Variants in FRMD6 observed in about 807,000 individuals in gnomAD.
FRMD6 encodes the protein FERM domain-containing protein 6.
In FRMD6, 37 loss-of-function variants were observed where a neutral mutation model predicts 73.2. The ratio of observed to expected loss-of-function variants is 0.51; its 90% confidence interval spans 0.39 to 0.66. The LOEUF is 0.66. Ranked by LOEUF, FRMD6 falls within the 30% of genes least tolerant of loss-of-function variation. The pLI, the probability that FRMD6 is intolerant of heterozygous loss-of-function variation, is 0.00. For synonymous variants in FRMD6, 273 were observed against 282.2 expected (o/e 0.97, Z 0.33); for missense variants, 714 against 780.5 (o/e 0.91, Z 1.02).
chr14:51,528,885 C>T (rs1320688392), intron 1 of FRMD6, among the ~76,000 whole-genome samples: 2 of 152,174 alleles, frequency 1.3e-5, no homozygotes, highest in Non-Finnish European at 2.9e-5. Context: ...CCCTTAACAT[C>T]CCCCAGTTTC....
chr14:51,538,714 A>G (rs6572771), intron 1 of FRMD6, among the ~76,000 whole-genome samples: 6,053 of 152,262 alleles, frequency 0.04, 367 homozygotes, highest in African/African-American at 0.13. Context: ...CTAAGATAAT[A>G]GGGTTTATTT....
At chr14:51,436,870 A>G in the FRMD6 span, 2 of 758,354 alleles carry the variant, frequency 2.6e-6, no homozygotes, top group East Asian at 7.0e-5. Flanking sequence ...AAGGATTAGA[A>G]GGTATTGATG....
intron 3 of FRMD6, among the ~76,000 whole-genome samples, chr14:51,700,581 G>T (rs1896247329): frequency 6.6e-6 from 1 of 152,034 alleles, no homozygotes; most frequent in Non-Finnish European, 1.5e-5. Flanking sequence ...ATGTGGGTCA[G>T]ACTTCTCACT....
At chr14:51,459,884 C>CTCTTTTT in the FRMD6 span, among the ~76,000 whole-genome samples, 24 of 74,650 alleles carry the variant, frequency 3.2e-4, no homozygotes, top group African/African-American at 1.3e-3. Flanking sequence ...TACTGACTCT[C>CTCTTTTT]TTTTTTTTTT....
At chr14:51,487,116 A>G (rs1882779419), upstream of FRMD6, among the ~76,000 whole-genome samples, 1 of 152,098 alleles carries the variant, frequency 6.6e-6, no homozygotes, top group Non-Finnish European at 1.5e-5. Context: ...GTCCCAATGA[A>G]TGCTCAAGTT....
chr14:51,413,182 T>C, the FRMD6 span, among the ~76,000 whole-genome samples: 1 of 151,988 alleles, frequency 6.6e-6, no homozygotes, highest in African/African-American at 2.4e-5. Context: ...AATATACTTT[T>C]AAGTTCTAGG....
chr14:51,627,559 T>C (rs751934868), intron 2 of FRMD6, among the ~76,000 whole-genome samples: 1 of 152,154 alleles, frequency 6.6e-6, no homozygotes, highest in East Asian at 1.9e-4. Flanking sequence ...TGGGCAGAGA[T>C]AGGCTGCTGG....
At chr14:51,628,685 C>G (rs1277766089) in intron 2 of FRMD6, among the ~76,000 whole-genome samples, 1 of 150,064 alleles carries the variant, frequency 6.7e-6, no homozygotes, top group Non-Finnish European at 1.5e-5. Flanking sequence ...TGGTGGCATG[C>G]CCATGCTCGG....
chr14:51,472,130 C>T, the FRMD6 span, among the ~76,000 whole-genome samples: 5 of 151,904 alleles, frequency 3.3e-5, no homozygotes, highest in Non-Finnish European at 7.4e-5. Context: ...CATATATTTC[C>T]CCTAAGTGAA....
At chr14:51,676,732 A>G (rs946164588) in intron 1 of FRMD6, among the ~76,000 whole-genome samples, 2 of 152,136 alleles carry the variant, frequency 1.3e-5, no homozygotes, top group African/African-American at 4.8e-5. Flanking sequence ...AAAGAACACC[A>G]TTGTATTCAC....
At chr14:51,670,709 A>C (rs1893943821) in intron 1 of FRMD6, among the ~76,000 whole-genome samples, 1 of 150,106 alleles carries the variant, frequency 6.7e-6, no homozygotes, top group African/African-American at 2.5e-5. Flanking sequence ...GCAGTGGCGC[A>C]GTCTTGGCTC....
the FRMD6 span, among the ~76,000 whole-genome samples, chr14:51,415,601 G>T: frequency 5.9e-5 from 9 of 152,170 alleles, no homozygotes; most frequent in African/African-American, 2.2e-4. Flanking sequence ...CAGGGATATT[G>T]GTCTAAAATT....
the FRMD6 span, chr14:51,397,051 G>T: frequency 6.6e-6 from 1 of 152,296 alleles, no homozygotes; most frequent in Admixed American, 6.5e-5. Context: ...TGGAGACCTG[G>T]GCAGGGAAGA....
intron 2 of FRMD6, among the ~76,000 whole-genome samples, chr14:51,615,815 T>C (rs1285880085): frequency 6.6e-6 from 1 of 152,170 alleles, no homozygotes; most frequent in African/African-American, 2.4e-5. Flanking sequence ...AGTCAAGTTA[T>C]AAAAGATTAG....
chr14:51,501,258 T>G (rs1392672239), intron 1 of FRMD6, among the ~76,000 whole-genome samples: 1 of 152,126 alleles, frequency 6.6e-6, no homozygotes, highest in Non-Finnish European at 1.5e-5. Context: ...GATGTGCAGG[T>G]TTGTTGCATA....
chr14:51,688,284 A>T (rs1023946863), intron 1 of FRMD6, among the ~76,000 whole-genome samples: 3 of 152,204 alleles, frequency 2.0e-5, no homozygotes, highest in African/African-American at 7.2e-5. Flanking sequence ...TAAGAAAAGC[A>T]GAATACTTCT....
upstream of FRMD6, among the ~76,000 whole-genome samples, chr14:51,486,514 G>T (rs1882763417): frequency 1.3e-5 from 2 of 152,226 alleles, no homozygotes; most frequent in African/African-American, 4.8e-5. Context: ...CATTTATGAA[G>T]TTCTTACTGT....
the FRMD6 span, among the ~76,000 whole-genome samples, chr14:51,468,932 T>G: frequency 6.6e-6 from 1 of 152,114 alleles, no homozygotes; most frequent in South Asian, 2.1e-4. Flanking sequence ...GTTTTTTTGT[T>G]TGTTTGTTTT....
intron 7 of FRMD6, among the ~76,000 whole-genome samples, chr14:51,711,106 AT>A (rs1411443799): frequency 6.6e-6 from 1 of 152,184 alleles, no homozygotes; most frequent in Non-Finnish European, 1.5e-5. Context: ...GCATCTCAGA[AT>A]ATAACTATTA....
Sources: allele counts gnomAD v4.1 joint callset (sites outside exome capture counted in the v4.1 genomes callset), GRCh38; gene constraint gnomAD v4.1.1; transcripts MANE v1.5; gene names NCBI Gene and HGNC (gene_info 2026-07-23, HGNC 2026-07-21).